The following KPNA7 variants were observed in gnomAD, a reference collection of about 807,000 sequenced individuals.
KPNA7 encodes the protein importin subunit alpha-8.
A neutral mutation model predicts 53.7 loss-of-function variants in KPNA7; 54 were observed. The observed-to-expected ratio is 1.01, with a 90% confidence interval of 0.81 to 1.26. The LOEUF is 1.26. Ranked by LOEUF, KPNA7 falls within the 50% of genes most tolerant of loss-of-function variation. The probability of loss-of-function intolerance (pLI) is 0.00; values close to 1 mark genes in which losing one functional copy is unlikely to be tolerated. For missense variants in KPNA7, 640 were observed against 644.5 expected (o/e 0.99, Z 0.07); for synonymous variants, 276 against 259.3 (o/e 1.06, Z -0.62).
At chr7:99,161,474 A>C in the KPNA7 span, among the ~76,000 whole-genome samples, 1 of 152,184 alleles carries the variant, frequency 6.6e-6, no homozygotes, top group African/African-American at 2.4e-5. Context: ...CTGACAGCTT[A>C]AGTCCAACCT....
chr7:99,177,774 A>G, intron 10 of KPNA7, 146 bp downstream of exon 10: 1 of 736,132 alleles, frequency 1.4e-6, no homozygotes, highest in Non-Finnish European at 2.2e-6. Context: ...GGCGAGACAC[A>G]TTAACTTCAG....
chr7:99,193,670 A>ATTT (rs71515265), intron 5 of KPNA7, among the ~76,000 whole-genome samples: 1 of 144,568 alleles, frequency 6.9e-6, no homozygotes, highest in Admixed American at 7.0e-5. Flanking sequence ...GCAGCCTTTT[A>ATTT]TTTTTTTTTT....
At chr7:99,168,894 C>G (rs552136489), downstream of KPNA7, among the ~76,000 whole-genome samples, 2 of 152,290 alleles carry the variant, frequency 1.3e-5, no homozygotes, top group African/African-American at 4.8e-5. Context: ...CAATCCTGAA[C>G]TCTCCATTAA....
chr7:99,149,885 C>G, the KPNA7 span, among the ~76,000 whole-genome samples: 1 of 152,152 alleles, frequency 6.6e-6, no homozygotes, highest in Non-Finnish European at 1.5e-5. Flanking sequence ...ACCTCCGCCT[C>G]CTGGGTTCAA....
upstream of KPNA7, among the ~76,000 whole-genome samples, chr7:99,212,632 A>G (rs1051650589): frequency 1.3e-5 from 2 of 151,996 alleles, no homozygotes; most frequent in Admixed American, 1.3e-4. Context: ...ACAGTGGCTC[A>G]CACCTATAGT....
chr7:99,196,507 C>CA (rs1300819041), intron 3 of KPNA7, among the ~76,000 whole-genome samples: 3 of 152,278 alleles, frequency 2.0e-5, no homozygotes, highest in East Asian at 3.9e-4. Context: ...AGAAAACTGA[C>CA]AAAAATAGAA....
intron 9 of KPNA7, among the ~76,000 whole-genome samples, chr7:99,180,705 GTC>G (rs373720296): frequency 2.8e-4 from 17 of 60,560 alleles, no homozygotes; most frequent in African/African-American, 6.6e-4. Context: ...CTCTGTCTGT[GTC>G]TCTCTCTCTC....
intron 6 of KPNA7, among the ~76,000 whole-genome samples, chr7:99,192,421 AGTTT>A (rs1790004341): frequency 6.6e-6 from 1 of 152,088 alleles, no homozygotes; most frequent in South Asian, 2.1e-4. Flanking sequence ...TGCTATTATT[AGTTT>A]ATTTAGAGAC....
chr7:99,170,801 AAAT>A (rs1427356525), downstream of KPNA7, among the ~76,000 whole-genome samples: 23 of 152,316 alleles, frequency 1.5e-4, no homozygotes, highest in African/African-American at 5.5e-4. Flanking sequence ...GTCATGCACA[AAAT>A]AATTGGCAAT....
rs1313952293 is a variant in KPNA7, at chr7:99,181,535, A to C, written c.1317+348T>G. On this transcript the variant is annotated intron_variant, in intron 9 of 10. Transcript: ENST00000327442. Reference sequence around the variant, plus strand: ...CAGAGGAGGGTAGAGGTATTGGGGGAAGAGAAATAATCCAACTTGGGTTTT... The same window carrying C: ...CAGAGGAGGGTAGAGGTATTGGGGGCAGAGAAATAATCCAACTTGGGTTTT... 6.6e-5 allele frequency among the ~76,000 whole-genome samples: 10 copies of C among 152,152 alleles called. 1 individual carries two copies. In the South Asian group the frequency reaches 1.5e-3, roughly 22 times the overall value.
chr7:99,185,197 A>G (rs1789519012), intron 7 of KPNA7, 35 bp from the exon 8 acceptor site: 1 of 1,437,870 alleles, frequency 7.0e-7, no homozygotes, highest in Admixed American at 2.0e-5. Flanking sequence ...AAGTATTTCA[A>G]GTCTATCCCA....
chr7:99,194,801 C>CA (rs942757404), intron 5 of KPNA7, among the ~76,000 whole-genome samples: 1 of 152,128 alleles, frequency 6.6e-6, no homozygotes, highest in African/African-American at 2.4e-5. Flanking sequence ...GACGGGGTTT[C>CA]ACCATGTTGG....
At position 99,185,089 on chromosome 7, in the gene KPNA7, C is replaced by T. The variant is rs935475439; in HGVS notation, c.974G>A (p.Gly325Asp). 1.3e-6 allele frequency: 2 copies of T among 1,551,878 alleles called. No homozygotes were observed. The highest frequency in any genetic ancestry group is 1.4e-5 in the African/African-American group (1 of 73,046). ...DEQTQMAIDA[G>D]MLNVLPQLLQ... ...GAGCTGGGGGAGCACGTTCAGCATACCCGCATCAATGGCCATCTGCGTCTG... is the reference window on the plus strand; with the variant it reads ...GAGCTGGGGGAGCACGTTCAGCATATCCGCATCAATGGCCATCTGCGTCTG... Residue 325 changes from glycine (G) to aspartate (D), a missense_variant, in exon 8 of 11, where the codon GGT becomes GAT. Physicochemically the swap from Gly to Asp is moderately conservative, Grantham distance 94 (BLOSUM62 -1). Transcript: ENST00000327442.
the KPNA7 span, among the ~76,000 whole-genome samples, chr7:99,146,029 T>C: frequency 3.9e-5 from 6 of 152,208 alleles, no homozygotes; most frequent in African/African-American, 1.4e-4. Flanking sequence ...AGTGAATGCC[T>C]GGGTCTGAAT....
At chr7:99,213,789 T>C (rs1311606386) in intron 1 of KPNA7, among the ~76,000 whole-genome samples, 1 of 152,062 alleles carries the variant, frequency 6.6e-6, no homozygotes, top group Non-Finnish European at 1.5e-5. Flanking sequence ...GTTTTCATTT[T>C]TCAGAGATGC....
At chr7:99,191,400 C>T (rs574611410) in intron 6 of KPNA7, among the ~76,000 whole-genome samples, 155 of 152,186 alleles carry the variant, frequency 1.0e-3, no homozygotes, top group African/African-American at 3.7e-3. Context: ...GTGATCTGCC[C>T]ACCTCGGCCT....
At chr7:99,152,935 T>C in the KPNA7 span, among the ~76,000 whole-genome samples, 434 of 152,328 alleles carry the variant, frequency 2.8e-3, 4 homozygotes, top group South Asian at 9.7e-3. Flanking sequence ...TTTAGTTGAA[T>C]TTATAGATTA....
intron 9 of KPNA7, among the ~76,000 whole-genome samples, chr7:99,178,790 A>G (rs1799028261): frequency 6.8e-6 from 1 of 146,404 alleles, no homozygotes; most frequent in African/African-American, 2.5e-5. Flanking sequence ...AAAAAAAAAA[A>G]AAAAAAAAAA....
At position 99,185,020 on chromosome 7, in the gene KPNA7, GC is replaced by G. The variant is rs1789502288; in HGVS notation, c.1042del (p.Ala348ProfsTer2). On this transcript the variant is annotated frameshift_variant, in exon 8 of 11. Coordinates refer to ENST00000327442, the MANE Select transcript of KPNA7 (RefSeq NM_001145715.3). LOFTEE classifies it high-confidence loss of function. ...KPSIQKEAAW[A>X]LSNVAAGPCH... is the part of the protein sequence containing the mutation. ...AGGCCCCGCTGCTACGTTGCTCAGG[GC>G]CCAGGCTGCCTCCTTCTGGATGGAG... 1 of 1,551,862 alleles carries G rather than the reference GC, an allele frequency of 6.4e-7. No individual in the cohort carries two copies. The highest frequency in any genetic ancestry group is 8.7e-7 in the Non-Finnish European group (1 of 1,147,014).
Sources: allele counts gnomAD v4.1 joint callset (sites outside exome capture counted in the v4.1 genomes callset), GRCh38; gene constraint gnomAD v4.1.1; transcripts MANE v1.5; gene names NCBI Gene and HGNC (gene_info 2026-07-23, HGNC 2026-07-21).